PASD1: variants seen among roughly 807,000 people sequenced by gnomAD.
PASD1 encodes circadian clock protein PASD1.
Under a neutral mutation model 58.8 loss-of-function variants are expected in PASD1, and 13 were observed. The ratio of observed to expected loss-of-function variants is 0.22; its 90% confidence interval spans 0.14 to 0.35. PASD1 has a LOEUF of 0.35. Among genes scored for constraint, PASD1 ranks in the 10% least tolerant of loss-of-function variants. PASD1 has a pLI of 1.00. For synonymous variants in PASD1, 236 were observed against 216.7 expected, an observed-to-expected ratio of 1.09 and a Z score of -0.78; for missense variants, 734 against 568.3, an observed-to-expected ratio of 1.29 and a Z score of -2.96.
At chrX:151,594,208 C>T (rs748212416) in intron 1 of PASD1, among the ~76,000 whole-genome samples, 20 of 111,073 alleles carry the variant, frequency 1.8e-4, no homozygotes, top group Non-Finnish European at 3.2e-4. Flanking sequence ...CTCCTGACCT[C>T]GTGATCCACC....
intron 1 of PASD1, among the ~76,000 whole-genome samples, chrX:151,589,503 G>A (rs1436108746): frequency 8.9e-6 from 1 of 111,936 alleles, no homozygotes; most frequent in African/African-American, 3.2e-5. Context: ...TAATTTATTG[G>A]GTGGTTGCTA....
intron 1 of PASD1, among the ~76,000 whole-genome samples, chrX:151,579,863 A>G: frequency 8.9e-6 from 1 of 111,914 alleles, no homozygotes; most frequent in Middle Eastern, 4.7e-3. Context: ...ATGGGTGAAA[A>G]TAGTTTTTCT....
Position 151,672,439 on chromosome X carries a change from A to G in PASD1, c.1694A>G (p.Gln565Arg). ...GAGCCAGAGGAGGAGCAGCAGAAGCAGCAGCTGCAAGAGCAGCCACTGAAG... is the reference window on the plus strand; with the variant it reads ...GAGCCAGAGGAGGAGCAGCAGAAGCGGCAGCTGCAAGAGCAGCCACTGAAG... ...QKEPEEEQQK[Q>R]QLQEQPLKHN... Residue 565 changes from glutamine (Q) to arginine (R), a missense_variant, in exon 14 of 16, where the codon CAG becomes CGG. By Grantham distance (43) the Gln-to-Arg change is conservative (BLOSUM62 1). Coordinates refer to ENST00000370357, the MANE Select transcript of PASD1 (RefSeq NM_173493.3). 2.5e-6 allele frequency: 3 copies of G among 1,211,962 alleles called. No individual in the cohort carries two copies. Among genetic ancestry groups the G allele is most frequent in the Non-Finnish European group, 3.3e-6 (3 of 895,590 alleles).
At chrX:151,580,233 G>T (rs1221128578) in intron 1 of PASD1, among the ~76,000 whole-genome samples, 1 of 112,058 alleles carries the variant, frequency 8.9e-6, no homozygotes, top group Non-Finnish European at 1.9e-5. Flanking sequence ...AGAACAAATT[G>T]GCTTCATCTC....
intron 11 of PASD1, among the ~76,000 whole-genome samples, chrX:151,669,934 G>A (rs959674769): frequency 6.3e-5 from 7 of 111,633 alleles, no homozygotes; most frequent in African/African-American, 1.6e-4. Context: ...TGGATCATAC[G>A]GTAGTTGTAT....
chrX:151,567,645 C>T (rs1255699881), intron 1 of PASD1, among the ~76,000 whole-genome samples: 1 of 111,785 alleles, frequency 8.9e-6, no homozygotes, highest in African/African-American at 3.3e-5. Flanking sequence ...CAAAGGCTTC[C>T]ACTAGATTTT....
chrX:151,614,993 T>G (rs892519825), intron 4 of PASD1, among the ~76,000 whole-genome samples: 1 of 105,686 alleles, frequency 9.5e-6, no homozygotes, highest in African/African-American at 3.5e-5. Flanking sequence ...GATTGCACTT[T>G]AGTATATTTA....
chrX:151,660,316 A>C (rs910007734), intron 10 of PASD1, among the ~76,000 whole-genome samples: 1 of 112,514 alleles, frequency 8.9e-6, no homozygotes, highest in African/African-American at 3.2e-5. Flanking sequence ...TGGTGGATGC[A>C]TAATACAAAT....
At chrX:151,588,887 G>A (rs1473481523) in intron 1 of PASD1, among the ~76,000 whole-genome samples, 2 of 111,560 alleles carry the variant, frequency 1.8e-5, no homozygotes, top group Admixed American at 1.9e-4. Flanking sequence ...TCTTTCTCTG[G>A]GACTTTTAAT....
At chrX:151,652,809 C>T (rs1319225305) in intron 9 of PASD1, among the ~76,000 whole-genome samples, 2 of 111,034 alleles carry the variant, frequency 1.8e-5, no homozygotes, top group Non-Finnish European at 3.8e-5. Flanking sequence ...AGAGGAATAA[C>T]GAGAAGGTTA....
chrX:151,614,065 A>G (rs1031166747), intron 4 of PASD1, among the ~76,000 whole-genome samples: 1 of 109,198 alleles, frequency 9.2e-6, no homozygotes, highest in African/African-American at 3.3e-5. Flanking sequence ...GCTCACTGCA[A>G]CCTCTGCCTC....
chrX:151,604,283 G>A (rs1190538285), intron 2 of PASD1, among the ~76,000 whole-genome samples: 1 of 111,850 alleles, frequency 8.9e-6, no homozygotes, highest in Non-Finnish European at 1.9e-5. Flanking sequence ...AGGGCTTTGG[G>A]AGTCTGGATC....
intron 8 of PASD1, among the ~76,000 whole-genome samples, chrX:151,630,660 G>T (rs965930378): frequency 2.7e-5 from 3 of 112,252 alleles, no homozygotes; most frequent in Admixed American, 9.5e-5. Flanking sequence ...GTTCACAAAG[G>T]TCGTAGGGAC....
intron 11 of PASD1, among the ~76,000 whole-genome samples, chrX:151,667,944 G>A (rs1488107467): frequency 4.5e-5 from 5 of 111,583 alleles, no homozygotes; most frequent in East Asian, 5.6e-4. Flanking sequence ...TGATGGGGAC[G>A]GCATTGAATC....
At chrX:151,662,527 A>C (rs958861837) in intron 10 of PASD1, among the ~76,000 whole-genome samples, 3 of 111,351 alleles carry the variant, frequency 2.7e-5, no homozygotes, top group Non-Finnish European at 5.7e-5. Flanking sequence ...CAGGTGTGTC[A>C]CTACTTCTAA....
chrX:151,639,934 G>T (rs113268521), intron 8 of PASD1, among the ~76,000 whole-genome samples: 5 of 112,101 alleles, frequency 4.5e-5, no homozygotes, highest in African/African-American at 1.6e-4. Flanking sequence ...TCTCATATTT[G>T]CACAGCCAAC....
intron 8 of PASD1, among the ~76,000 whole-genome samples, chrX:151,636,741 A>G (rs2013935656): frequency 9.0e-6 from 1 of 111,514 alleles, no homozygotes; most frequent in African/African-American, 3.3e-5. Flanking sequence ...TAAACAATCT[A>G]TCTGTTAAAT....
chrX:151,601,713 G>GTT, intron 2 of PASD1, 132 bp downstream of exon 2: 2 of 595,097 alleles, frequency 3.4e-6, no homozygotes, highest in Non-Finnish European at 5.3e-6. Context: ...TTTCTCCAGT[G>GTT]TTTTTTTTTC....
intron 1 of PASD1, chrX:151,578,443 A>G (rs761479294): frequency 2.7e-4 from 30 of 112,260 alleles, no homozygotes; most frequent in Non-Finnish European, 4.3e-4. Flanking sequence ...CAAGAAGACC[A>G]TCAGCTAATT....
Sources: gnomAD v4.1 joint callset for allele counts (sites outside exome capture counted in the v4.1 genomes callset) on GRCh38, gnomAD v4.1.1 for gene constraint, MANE v1.5 for transcripts, NCBI Gene and HGNC (gene_info 2026-07-23, HGNC 2026-07-21) for gene names.